CACNB1: variants seen among roughly 807,000 people sequenced by gnomAD.
CACNB1 encodes the protein calcium voltage-gated channel auxiliary subunit beta 1.
A neutral mutation model predicts 71.6 loss-of-function variants in CACNB1; 29 were observed. The ratio of observed to expected loss-of-function variants is 0.40; its 90% CI spans 0.30 to 0.55. CACNB1 has a LOEUF of 0.55. Ranked by LOEUF, CACNB1 falls within the 20% of genes least tolerant of loss-of-function variation. The pLI is 0.38. For missense variants in CACNB1, 623 were observed against 801.8 expected, an observed-to-expected ratio of 0.78 and a Z score of 2.69; for synonymous variants, 300 against 319.6, an observed-to-expected ratio of 0.94 and a Z score of 0.65.
At position 39,186,028 on chromosome 17, in the gene CACNB1, C is replaced by G; in HGVS notation, c.628+468G>C. On this transcript the variant is annotated intron_variant, in intron 6 of 13. Transcript: ENST00000394303. This position sits in a 1 kb window ranked among gnomAD's most constrained non-coding sequence, Gnocchi z 4.1. ...TAACACTAGTCTTGGCAGAGCCACTCTGCTCACCAAGCTCAGCCTCTTCCT... is the reference window on the plus strand; with the variant it reads ...TAACACTAGTCTTGGCAGAGCCACTGTGCTCACCAAGCTCAGCCTCTTCCT... 1.2e-6 allele frequency: 2 copies of G among 1,613,956 alleles called. No individual in the cohort carries two copies. Among genetic ancestry groups the G allele is most frequent in the East Asian group, 2.2e-5 (1 of 44,884 alleles).
intron 2 of CACNB1, chr17:39,193,711 T>C (rs969095420): frequency 8.6e-6 from 2 of 231,696 alleles, no homozygotes; most frequent in South Asian, 4.1e-5. Flanking sequence ...ACTCCCTGGG[T>C]TGGCAAACAC....
chr17:39,180,396 T>TA (rs1294352573), intron 11 of CACNB1, among the ~76,000 whole-genome samples: 4 of 152,136 alleles, frequency 2.6e-5, no homozygotes, highest in Non-Finnish European at 5.9e-5. Flanking sequence ...GGCTCACGCC[T>TA]ATAATCCCAG....
intron 8 of CACNB1, 114 bp from the exon 9 acceptor site, chr17:39,184,497 C>T (rs931011283): frequency 1.4e-6 from 1 of 703,042 alleles, no homozygotes; most frequent in East Asian, 2.7e-5. Context: ...TCTGGACAGG[C>T]CTTTACGGCG....
rs777109375 is a variant in CACNB1 at position 39,184,131 on chromosome 17, G to A, written c.798C>T (p.Ile266=). ...LKHRFDGRIS[I]TRVTADISLA... is the part of the protein sequence containing the mutation. ...GGGAAATATCTGCCGTCACACGAGT[G>A]ATGGAGATCCTGGGGAATGGGGCAA... is the stretch of plus-strand genomic sequence containing the variant. Residue 266 remains isoleucine, a synonymous_variant, in exon 10 of 14, where the codon ATC becomes ATT. Transcript: ENST00000394303. The A allele has an allele frequency of 3.2e-5, 51 of 1,609,378 alleles. No individual in the cohort carries two copies. The South Asian group carries it at 5.2e-4, about 16-fold the overall frequency.
chr17:39,184,877 G>A lies in CACNB1; in HGVS notation c.649-13C>T. 1.3e-6 allele frequency: 2 copies of A among 1,502,946 alleles called. No individual in the cohort carries two copies. The highest frequency in any genetic ancestry group is 1.1e-5 in the South Asian group (1 of 88,978). 93.1% of individuals were successfully genotyped at this position (1,502,946 alleles called of 1,614,324 possible). ...GCACATGCTCTGTCTGGGGGGGGAA[G>A]CAGGGAGGGGAAACCCCAGAGTGGA... On this transcript the variant is annotated splice_polypyrimidine_tract_variant and intron_variant, in intron 7 of 13. Transcript: ENST00000394303.
intron 10 of CACNB1, 75 bp from the exon 11 acceptor site, chr17:39,183,939 T>C (rs2045858282): frequency 1.9e-6 from 3 of 1,565,756 alleles, no homozygotes; most frequent in South Asian, 1.1e-5. Flanking sequence ...GGAACACTTC[T>C]GGAGATGGCC....
intron 6 of CACNB1, chr17:39,185,961 A>G (rs1344499146): frequency 6.2e-7 from 1 of 1,612,332 alleles, no homozygotes; most frequent in Admixed American, 1.7e-5. Flanking sequence ...TTCTTAAAGA[A>G]GGGGATGCGT....
chr17:39,189,956 C>CA (rs958613665), intron 3 of CACNB1, among the ~76,000 whole-genome samples: 19 of 144,986 alleles, frequency 1.3e-4, no homozygotes, highest in African/African-American at 4.6e-4. Context: ...ACTAAAAATA[C>CA]AAAAAAAAAT....
chr17:39,189,441 T>C (rs1342816453), intron 3 of CACNB1, among the ~76,000 whole-genome samples: 1 of 152,016 alleles, frequency 6.6e-6, no homozygotes, highest in East Asian at 1.9e-4. Flanking sequence ...ATCCCAATAC[T>C]GGCTTGAGGG....
Position 39,186,398 on chromosome 17 carries a change from G to C in CACNB1, c.628+98C>G. ...CATGTGCTTGGGGGACTCAGGATTG[G>C]GGTGTTTCCTACTGCAGGGAAAGGA... On this transcript the variant is annotated intron_variant, in intron 6 of 13. Transcript: ENST00000394303. This position sits in a 1 kb window ranked among gnomAD's most constrained non-coding sequence, Gnocchi z 4.1. 3.5e-6 allele frequency: 3 copies of C among 848,140 alleles called. No individual in the cohort carries two copies. Among genetic ancestry groups the C allele is most frequent in the Non-Finnish European group, 5.7e-6 (3 of 529,338 alleles). 52.5% of individuals were successfully genotyped at this position (848,140 alleles called of 1,614,324 possible).
chr17:39,182,746 A>AATAT (rs1247990168), intron 11 of CACNB1: 5 of 150,516 alleles, frequency 3.3e-5, no homozygotes, highest in Non-Finnish European at 7.4e-5. Flanking sequence ...TAAATAAATA[A>AATAT]ATCAGAGAGT....
chr17:39,187,407 C>T, intron 4 of CACNB1, 72 bp downstream of exon 4: 2 of 1,577,868 alleles, frequency 1.3e-6, no homozygotes, highest in Non-Finnish European at 1.7e-6. Context: ...GGCTCAGAAG[C>T]CTTTTGTCCA....
chr17:39,182,558 G>A (rs993908439), intron 11 of CACNB1, among the ~76,000 whole-genome samples: 26 of 151,268 alleles, frequency 1.7e-4, no homozygotes, highest in African/African-American at 6.3e-4. Context: ...AAAATTAGCC[G>A]GGCCGTGGTG....
chr17:39,178,687 C>T (rs1158428313), intron 11 of CACNB1, among the ~76,000 whole-genome samples: 2 of 151,966 alleles, frequency 1.3e-5, no homozygotes, highest in Admixed American at 6.6e-5. Context: ...CCAGCCACAC[C>T]CTCTATATTA....
At chr17:39,185,228 A>C (rs1193561236) in intron 6 of CACNB1, 78 bp from the exon 7 acceptor site, 4 of 1,119,740 alleles carry the variant, frequency 3.6e-6, no homozygotes, top group Non-Finnish European at 5.5e-6. Flanking sequence ...AGGGCAAGGC[A>C]GGAGCCAGGA....
Position 39,186,619 on chromosome 17 carries a change from T to TG in CACNB1, c.552-48dup, listed in dbSNP as rs749429588. 2 of 1,558,926 alleles carry TG rather than the reference T, an allele frequency of 1.3e-6. No individual in the cohort carries two copies. The highest frequency in any genetic ancestry group is 4.5e-5 in the East Asian group (2 of 44,536). ...GAGCTTGTGAGCAAAGAGGTGGGCGTGGGGGGCTCTCATCCTCTCACATGC... is the reference window on the plus strand; with the variant it reads ...GAGCTTGTGAGCAAAGAGGTGGGCGTGGGGGGGCTCTCATCCTCTCACATGC... On this transcript the variant is annotated intron_variant, in intron 5 of 13. Coordinates refer to ENST00000394303, the MANE Select transcript of CACNB1 (RefSeq NM_000723.5). The surrounding 1 kb of genome is among the most constrained non-coding windows in gnomAD (Gnocchi z 4.1).
chr17:39,196,645 C>T (rs1380870104), intron 1 of CACNB1, among the ~76,000 whole-genome samples: 2 of 152,138 alleles, frequency 1.3e-5, no homozygotes, highest in Non-Finnish European at 2.9e-5. Flanking sequence ...AAGAATGCCA[C>T]TTCCTGGGAG....
At chr17:39,177,614 G>A (rs2045620212) in intron 12 of CACNB1, 79 bp from the exon 13 acceptor site, 3 of 1,144,734 alleles carry the variant, frequency 2.6e-6, no homozygotes, top group African/African-American at 1.5e-5. Context: ...CCTGGGTGCA[G>A]TGGGTAGAGT....
Position 39,175,595 on chromosome 17 carries a change from C to G in CACNB1, c.1395G>C (p.Met465Ile). Residue 465 changes from methionine to isoleucine, a missense_variant, in exon 14 of 14, where the codon ATG becomes ATC. Transcript: ENST00000394303. The surrounding 1 kb of genome is among the most constrained non-coding windows in gnomAD (Gnocchi z 4.7). ...GGCCCAGCTCCCCTGGGTACTCGTG[C>G]ATGCTGGCGTGCTCCCCGGTGGCCC... is the stretch of plus-strand genomic sequence containing the variant. The part of the protein sequence containing the change: ...LERATGEHAS[M>I]HEYPGELGQP... The G allele has an allele frequency of 6.2e-7, 1 of 1,605,308 alleles. No individual in the cohort carries two copies. Among genetic ancestry groups the G allele is most frequent in the Non-Finnish European group, 8.5e-7 (1 of 1,175,140 alleles).
Sources: gnomAD v4.1 joint callset for allele counts (sites outside exome capture counted in the v4.1 genomes callset) on GRCh38, gnomAD v4.1.1 for gene constraint, Gnocchi (gnomAD v3.1) non-coding constraint, MANE v1.5 for transcripts, NCBI Gene and HGNC (gene_info 2026-07-23, HGNC 2026-07-21) for gene names.